ZC3H12B: variants seen among roughly 807,000 people sequenced by gnomAD.
ZC3H12B encodes the protein probable ribonuclease ZC3H12B.
Under a neutral mutation model 43.9 loss-of-function variants are expected in ZC3H12B, and 7 were observed. That is an observed-to-expected ratio of 0.16 (90% CI 0.09 to 0.30). The LOEUF is 0.30. ZC3H12B is among the 10% of genes least tolerant of loss of function. ZC3H12B has a pLI of 1.00. For missense variants in ZC3H12B, 475 were observed against 670.2 expected (o/e 0.71, Z 3.22); for synonymous variants, 222 against 241.7 (o/e 0.92, Z 0.76).
upstream of ZC3H12B, among the ~76,000 whole-genome samples, chrX:65,364,671 C>T (rs2066150265): frequency 9.0e-6 from 1 of 111,621 alleles, no homozygotes; most frequent in African/African-American, 3.3e-5. Context: ...GTTGTCATTT[C>T]ATAACGTCTT....
chrX:65,493,331 C>T (rs1359018360), intron 1 of ZC3H12B, among the ~76,000 whole-genome samples: 2 of 109,814 alleles, frequency 1.8e-5, no homozygotes, highest in African/African-American at 3.3e-5. Context: ...TGCAGTGAGC[C>T]GAGATTGCGC....
At chrX:65,391,802 G>C (rs1042629218) in intron 2 of ZC3H12B, among the ~76,000 whole-genome samples, 2 of 111,065 alleles carry the variant, frequency 1.8e-5, no homozygotes, top group Non-Finnish European at 3.8e-5. Context: ...CACTTTCCAT[G>C]GTCTCCCTCT....
At chrX:65,038,441 T>C in the ZC3H12B span, among the ~76,000 whole-genome samples, 1 of 111,618 alleles carries the variant, frequency 9.0e-6, no homozygotes, top group African/African-American at 3.3e-5. Flanking sequence ...AGTCAGCAAA[T>C]AGCTATGATT....
At chrX:65,256,710 G>A in the ZC3H12B span, among the ~76,000 whole-genome samples, 3 of 111,709 alleles carry the variant, frequency 2.7e-5, no homozygotes, top group Non-Finnish European at 5.6e-5. Flanking sequence ...GAAGGATATT[G>A]AGACATGAAA....
chrX:65,202,747 G>A, the ZC3H12B span, among the ~76,000 whole-genome samples: 1 of 110,707 alleles, frequency 9.0e-6, no homozygotes, highest in African/African-American at 3.3e-5. Context: ...CCACTGCCTG[G>A]CTACTGCCTA....
the ZC3H12B span, among the ~76,000 whole-genome samples, chrX:65,124,542 A>G: frequency 1.8e-5 from 2 of 110,828 alleles, no homozygotes; most frequent in African/African-American, 3.3e-5. Flanking sequence ...GTGTTTTGGA[A>G]TAGTGTCAAT....
At chrX:65,138,680 G>T in the ZC3H12B span, among the ~76,000 whole-genome samples, 3 of 111,050 alleles carry the variant, frequency 2.7e-5, no homozygotes, top group Non-Finnish European at 3.8e-5. Context: ...TTTCATGATG[G>T]CTGCATTAAT....
intron 2 of ZC3H12B, among the ~76,000 whole-genome samples, chrX:65,389,915 C>T: frequency 9.0e-6 from 1 of 111,730 alleles, no homozygotes; most frequent in African/African-American, 3.3e-5. Context: ...GGGTATATAC[C>T]CAAAGGATTA....
At chrX:65,489,471 C>T in intron 1 of ZC3H12B, 62 bp downstream of exon 6, 1 of 1,115,388 alleles carries the variant, frequency 9.0e-7, no homozygotes. Context: ...TAGAAATTTT[C>T]TTCCTTTGCA....
the ZC3H12B span, among the ~76,000 whole-genome samples, chrX:65,224,555 C>T: frequency 1.5e-4 from 17 of 112,677 alleles, no homozygotes; most frequent in Non-Finnish European, 3.2e-4. Context: ...CGTGCATGAG[C>T]CAAAGCAGGG....
chrX:65,296,892 T>TA, the ZC3H12B span, among the ~76,000 whole-genome samples: 7 of 110,752 alleles, frequency 6.3e-5, no homozygotes, highest in South Asian at 3.8e-4. Flanking sequence ...TAAACATAAT[T>TA]AAAAAAAATT....
chrX:65,221,339 G>A, the ZC3H12B span, among the ~76,000 whole-genome samples: 1 of 111,137 alleles, frequency 9.0e-6, no homozygotes, highest in African/African-American at 3.3e-5. Context: ...AAATAGTTAA[G>A]ATTAGAGCCG....
At chrX:65,324,580 T>G in the ZC3H12B span, among the ~76,000 whole-genome samples, 1 of 111,776 alleles carries the variant, frequency 8.9e-6, no homozygotes, top group African/African-American at 3.2e-5. Context: ...TGAACATATT[T>G]AATTTCCATG....
intron 2 of ZC3H12B, among the ~76,000 whole-genome samples, chrX:65,395,454 A>G (rs1254021042): frequency 8.9e-6 from 1 of 112,240 alleles, no homozygotes; most frequent in African/African-American, 3.2e-5. Context: ...TTCTGCATCT[A>G]TTGAGATAAT....
chrX:65,080,673 A>C, the ZC3H12B span, among the ~76,000 whole-genome samples: 1 of 111,777 alleles, frequency 8.9e-6, no homozygotes, highest in Non-Finnish European at 1.9e-5. Context: ...TTTGCCAGGC[A>C]AATAAAAGCT....
chrX:65,393,546 AGT>A (rs1295546806), intron 2 of ZC3H12B, among the ~76,000 whole-genome samples: 1 of 111,577 alleles, frequency 9.0e-6, no homozygotes, highest in Admixed American at 9.5e-5. Flanking sequence ...GAGAACGTGC[AGT>A]GTTTGGTTTT....
chrX:65,103,908 G>A, the ZC3H12B span, among the ~76,000 whole-genome samples: 1 of 111,592 alleles, frequency 9.0e-6, no homozygotes, highest in African/African-American at 3.3e-5. Flanking sequence ...CACAGAATTA[G>A]AAAAAACTAC....
the ZC3H12B span, among the ~76,000 whole-genome samples, chrX:65,343,777 C>A: frequency 9.8e-5 from 11 of 111,848 alleles, no homozygotes; most frequent in Non-Finnish European, 1.9e-4. Context: ...GACAAGGATG[C>A]CCTCTGTCAT....
At chrX:65,396,374 C>T (rs748968902) in intron 2 of ZC3H12B, among the ~76,000 whole-genome samples, 3 of 111,752 alleles carry the variant, frequency 2.7e-5, no homozygotes, top group East Asian at 5.6e-4. Context: ...GATTCTGGTA[C>T]GTTGTGTCTT....
Sources: allele counts gnomAD v4.1 joint callset (sites outside exome capture counted in the v4.1 genomes callset), GRCh38; gene constraint gnomAD v4.1.1; transcripts MANE v1.5; gene names NCBI Gene and HGNC (gene_info 2026-07-23, HGNC 2026-07-21).